The following CCDC146 variants were observed in gnomAD, a reference collection of about 807,000 sequenced individuals.
CCDC146 encodes coiled-coil domain-containing protein 146.
A neutral mutation model predicts 119.3 loss-of-function variants in CCDC146; 92 were observed. The observed-to-expected ratio is 0.77, with a 90% CI of 0.65 to 0.92. The LOEUF (loss-of-function observed/expected upper bound fraction) is 0.92, where lower values mean the gene tolerates loss of function less well. Ranked by LOEUF, CCDC146 falls within the 40% of genes least tolerant of loss-of-function variation. The probability of loss-of-function intolerance (pLI) is 0.00; values close to 1 mark genes in which losing one functional copy is unlikely to be tolerated. For synonymous variants in CCDC146, 372 were observed against 371.8 expected (o/e 1.00, Z -0.01); for missense variants, 1,000 against 1,103.0 (o/e 0.91, Z 1.32).
chr7:77,218,050 A>G lies in CCDC146; in HGVS notation c.157-18897A>G, dbSNP rs193043206. Among the ~76,000 whole-genome samples, 100 of 152,264 alleles carry G rather than the reference A, an allele frequency of 6.6e-4. 4 individuals carry two copies. In the East Asian group the frequency reaches 0.017, roughly 26 times the overall value. On this transcript the variant is annotated intron_variant, in intron 2 of 18. Coordinates refer to ENST00000285871, the MANE Select transcript of CCDC146 (RefSeq NM_020879.3). ...CAGTATAATAAGTTTGTTTACACCA[A>G]CATCGCTACAACCACATGACCAATG...
Position 77,287,424 on chromosome 7 carries a change from C to A in CCDC146, c.2278-16C>A. On this transcript the variant is annotated splice_polypyrimidine_tract_variant and intron_variant, in intron 16 of 18. Coordinates refer to ENST00000285871, the MANE Select transcript of CCDC146 (RefSeq NM_020879.3). Reference sequence around the variant, plus strand: ...GACTTTTTTTTTATTCCTCTTGAACCAATTTTCAAACATAGCTGGAACTAC... The same window carrying A: ...GACTTTTTTTTTATTCCTCTTGAACAAATTTTCAAACATAGCTGGAACTAC... 1.2e-6 allele frequency: 2 copies of A among 1,612,908 alleles called. No homozygotes were observed. The highest frequency in any genetic ancestry group is 1.7e-6 in the Non-Finnish European group (2 of 1,179,424).
chr7:77,249,812 G>A (rs1277241399), intron 4 of CCDC146, among the ~76,000 whole-genome samples: 1 of 152,106 alleles, frequency 6.6e-6, no homozygotes, highest in African/African-American at 2.4e-5. Context: ...AATGATTACT[G>A]TTGTAGTTGG....
intron 1 of CCDC146, among the ~76,000 whole-genome samples, chr7:77,148,263 G>A (rs549362114): frequency 4.1e-4 from 62 of 152,276 alleles, no homozygotes; most frequent in East Asian, 1.5e-3. Context: ...TTGGAAAAGC[G>A]CAGTATTAGG....
At chr7:77,278,174 C>A (rs1584140749) in intron 11 of CCDC146, among the ~76,000 whole-genome samples, 1 of 152,180 alleles carries the variant, frequency 6.6e-6, no homozygotes, top group Non-Finnish European at 1.5e-5. Context: ...CTTCTCTCAT[C>A]TATTTTCCAT....
intron 2 of CCDC146, chr7:77,195,956 C>T (rs1325837016): frequency 4.3e-6 from 1 of 229,960 alleles, no homozygotes; most frequent in East Asian, 1.0e-4. Flanking sequence ...CACACCCAGC[C>T]AACAATTATT....
intron 9 of CCDC146, among the ~76,000 whole-genome samples, chr7:77,266,959 G>A (rs1793416440): frequency 6.6e-6 from 1 of 151,684 alleles, no homozygotes; most frequent in Admixed American, 6.6e-5. Flanking sequence ...CCATTTGGGG[G>A]TAGCTCCCTG....
intron 2 of CCDC146, among the ~76,000 whole-genome samples, chr7:77,225,753 G>C (rs1450736482): frequency 6.6e-6 from 1 of 152,042 alleles, no homozygotes; most frequent in Admixed American, 6.6e-5. Flanking sequence ...GACCAGCCTG[G>C]TCAGCATGGT....
intron 1 of CCDC146, among the ~76,000 whole-genome samples, chr7:77,161,710 C>T (rs1461305341): frequency 6.6e-6 from 1 of 151,458 alleles, no homozygotes; most frequent in Non-Finnish European, 1.5e-5. Context: ...ATGGGTGCAG[C>T]ACACCAGCAT....
intron 2 of CCDC146, among the ~76,000 whole-genome samples, chr7:77,233,907 A>ATT (rs11317661): frequency 0.031 from 4,471 of 144,628 alleles, 211 homozygotes; most frequent in African/African-American, 0.1. Context: ...GTATTCTATC[A>ATT]TTTTTTTTTT....
chr7:77,139,243 G>T (rs1790900635), intron 1 of CCDC146, among the ~76,000 whole-genome samples: 1 of 152,194 alleles, frequency 6.6e-6, no homozygotes, highest in African/African-American at 2.4e-5. Flanking sequence ...ATTACTAAGT[G>T]AAAGAAACCC....
At chr7:77,291,861 T>A (rs1793949773) in intron 17 of CCDC146, among the ~76,000 whole-genome samples, 1 of 152,232 alleles carries the variant, frequency 6.6e-6, no homozygotes, top group East Asian at 1.9e-4. Context: ...ATGTGATGGT[T>A]TTCATTTAAA....
At chr7:77,274,880 G>C (rs978933941) in intron 11 of CCDC146, among the ~76,000 whole-genome samples, 1 of 152,250 alleles carries the variant, frequency 6.6e-6, no homozygotes, top group Non-Finnish European at 1.5e-5. Context: ...GCCTGTTGTG[G>C]GGTGAGGGGA....
rs186497910 is a variant in CCDC146, at chr7:77,125,940, T to C, written c.-12+3208T>C. Among the ~76,000 whole-genome samples the C allele has an allele frequency of 9.9e-4, 151 of 152,252 alleles. 3 individuals carry two copies. The highest frequency in any genetic ancestry group is 3.5e-3 in the African/African-American group (145 of 41,490). ...AACTGCAAATAGACAGTTTTATTTC[T>C]TCCTTTCTCATCTGTATGGCTTTTC... On this transcript the variant is annotated intron_variant, in intron 1 of 18. Coordinates refer to ENST00000285871, the MANE Select transcript of CCDC146 (RefSeq NM_020879.3).
chr7:77,163,455 A>G (rs1791292465), intron 1 of CCDC146, among the ~76,000 whole-genome samples: 2 of 152,222 alleles, frequency 1.3e-5, no homozygotes, highest in Admixed American at 6.5e-5. Flanking sequence ...CTCAAAAAAA[A>G]AAATACACAT....
intron 1 of CCDC146, among the ~76,000 whole-genome samples, chr7:77,159,287 T>C (rs1791223229): frequency 6.6e-6 from 1 of 152,104 alleles, no homozygotes; most frequent in African/African-American, 2.4e-5. Context: ...AATTTTGTAC[T>C]CTTTAACTAT....
At chr7:77,231,924 T>C (rs1456675120) in intron 2 of CCDC146, among the ~76,000 whole-genome samples, 1 of 151,896 alleles carries the variant, frequency 6.6e-6, no homozygotes. Flanking sequence ...TCATTGTAAA[T>C]TGGACATTTT....
chr7:77,193,451 A>G (rs989336882), intron 2 of CCDC146: 1 of 152,236 alleles, frequency 6.6e-6, no homozygotes, highest in East Asian at 1.9e-4. Context: ...GGTTTTAAAA[A>G]GACATGAAAC....
At chr7:77,154,620 A>G (rs1422555617) in intron 1 of CCDC146, among the ~76,000 whole-genome samples, 5 of 151,916 alleles carry the variant, frequency 3.3e-5, no homozygotes, top group Admixed American at 3.3e-4. Flanking sequence ...CCATGTCCCT[A>G]CAAAGGACAT....
At chr7:77,182,638 A>T (rs958859682) in intron 2 of CCDC146, among the ~76,000 whole-genome samples, 2 of 152,022 alleles carry the variant, frequency 1.3e-5, no homozygotes, top group East Asian at 3.9e-4. Context: ...AAAAAACTAC[A>T]AAGAAAAGAC....
Sources: allele counts gnomAD v4.1 joint callset (sites outside exome capture counted in the v4.1 genomes callset), GRCh38; gene constraint gnomAD v4.1.1; transcripts MANE v1.5; gene names NCBI Gene and HGNC (gene_info 2026-07-23, HGNC 2026-07-21).